Variants in SDK1 observed in about 807,000 individuals in gnomAD.
SDK1 encodes the protein sidekick cell adhesion molecule 1.
A neutral mutation model predicts 245.5 loss-of-function variants in SDK1; 157 were observed. The ratio of observed to expected loss-of-function variants is 0.64; its 90% CI spans 0.56 to 0.73. The LOEUF is 0.73. SDK1 is among the 30% of genes least tolerant of loss of function. The pLI is 0.00. For synonymous variants in SDK1, 1,647 were observed against 1,278.5 expected (o/e 1.29, Z -6.15); for missense variants, 3,583 against 3,002.3 (o/e 1.19, Z -4.52).
At chr7:3,336,299 A>C (rs1780198032) in intron 1 of SDK1, among the ~76,000 whole-genome samples, 2 of 152,174 alleles carry the variant, frequency 1.3e-5, no homozygotes, top group South Asian at 4.1e-4. Flanking sequence ...TGGCAGAAGC[A>C]GGTGGTACTT....
At chr7:3,561,586 C>A (rs1294225663) in intron 1 of SDK1, among the ~76,000 whole-genome samples, 2 of 152,152 alleles carry the variant, frequency 1.3e-5, no homozygotes, top group Non-Finnish European at 2.9e-5. Context: ...GGTGTGATTC[C>A]TGGCACATGG....
chr7:3,639,525 C>G (rs536237362), intron 3 of SDK1, among the ~76,000 whole-genome samples: 1 of 152,262 alleles, frequency 6.6e-6, no homozygotes, highest in South Asian at 2.1e-4. Flanking sequence ...CATGCTGCAC[C>G]ACAAAAGGTA....
chr7:4,261,728 C>T (rs1235911221), intron 44 of SDK1, among the ~76,000 whole-genome samples: 1 of 152,176 alleles, frequency 6.6e-6, no homozygotes, highest in Non-Finnish European at 1.5e-5. Flanking sequence ...CACTCTTTTA[C>T]CCCCTCCCCA....
At chr7:3,647,461 C>G (rs945580829) in intron 4 of SDK1, among the ~76,000 whole-genome samples, 1 of 152,140 alleles carries the variant, frequency 6.6e-6, no homozygotes, top group Admixed American at 6.5e-5. Flanking sequence ...TGCTCTGTCT[C>G]CCATGCTGGA....
At chr7:3,594,574 G>C (rs1188583048) in intron 1 of SDK1, among the ~76,000 whole-genome samples, 1 of 152,114 alleles carries the variant, frequency 6.6e-6, no homozygotes, top group Non-Finnish European at 1.5e-5. Flanking sequence ...TGAGGGTTCT[G>C]ATTTCTCCAC....
intron 35 of SDK1, among the ~76,000 whole-genome samples, chr7:4,189,723 G>T (rs1263017090): frequency 6.6e-6 from 1 of 152,190 alleles, no homozygotes; most frequent in African/African-American, 2.4e-5. Flanking sequence ...CCAGGAAGCA[G>T]AGGTTGTAGT....
intron 7 of SDK1, 109 bp downstream of exon 7, chr7:3,952,029 G>T (rs1170631586): frequency 2.0e-6 from 2 of 987,978 alleles, no homozygotes; most frequent in Non-Finnish European, 1.5e-6. Flanking sequence ...TTGTAACTCG[G>T]CAAATGAAGG....
intron 4 of SDK1, among the ~76,000 whole-genome samples, chr7:3,669,263 A>G (rs1396587890): frequency 6.6e-6 from 1 of 152,104 alleles, no homozygotes; most frequent in African/African-American, 2.4e-5. Context: ...GGGATTAAAA[A>G]CCTGTTAAAG....
At chr7:3,891,595 T>G (rs557117768) in intron 5 of SDK1, among the ~76,000 whole-genome samples, 1 of 152,356 alleles carries the variant, frequency 6.6e-6, no homozygotes, top group South Asian at 2.1e-4. Flanking sequence ...TTCGTGCATG[T>G]CCTCCTTTCT....
intron 5 of SDK1, among the ~76,000 whole-genome samples, chr7:3,939,494 C>T (rs1780278136): frequency 6.6e-6 from 1 of 152,024 alleles, no homozygotes; most frequent in Non-Finnish European, 1.5e-5. Flanking sequence ...GAAAGGAAAT[C>T]ACAGTGTATT....
At chr7:3,834,257 G>A (rs140570259) in intron 5 of SDK1, among the ~76,000 whole-genome samples, 49 of 152,324 alleles carry the variant, frequency 3.2e-4, no homozygotes, top group Middle Eastern at 6.8e-3. Flanking sequence ...AACGCTGAGC[G>A]TCTGATACTT....
chr7:3,502,395 G>A (rs1782245178), intron 1 of SDK1, among the ~76,000 whole-genome samples: 3 of 152,158 alleles, frequency 2.0e-5, no homozygotes, highest in South Asian at 2.1e-4. Context: ...GATTACAGGT[G>A]CCTACCACCA....
chr7:3,385,662 C>G (rs1212458639), intron 1 of SDK1, among the ~76,000 whole-genome samples: 1 of 152,154 alleles, frequency 6.6e-6, no homozygotes, highest in African/African-American at 2.4e-5. Context: ...CACCAAAATA[C>G]AGCCCCCGTA....
At chr7:3,586,704 C>CA (rs57309941) in intron 1 of SDK1, among the ~76,000 whole-genome samples, 940 of 82,010 alleles carry the variant, frequency 0.011, 8 homozygotes, top group African/African-American at 0.026. Flanking sequence ...GACTCCGTCT[C>CA]AAAAAAAAAA....
chr7:4,234,176 G>C (rs1785996081), intron 41 of SDK1, among the ~76,000 whole-genome samples: 1 of 152,196 alleles, frequency 6.6e-6, no homozygotes, highest in African/African-American at 2.4e-5. Flanking sequence ...TAGCTGCTCT[G>C]GGCTCAAGGT....
At chr7:3,925,936 C>T (rs1779751080) in intron 5 of SDK1, among the ~76,000 whole-genome samples, 1 of 152,108 alleles carries the variant, frequency 6.6e-6, no homozygotes, top group Non-Finnish European at 1.5e-5. Flanking sequence ...TAGGTTTTTG[C>T]AATATGTTGA....
At chr7:3,691,463 C>T (rs1451199770) in intron 4 of SDK1, among the ~76,000 whole-genome samples, 1 of 152,172 alleles carries the variant, frequency 6.6e-6, no homozygotes, top group African/African-American at 2.4e-5. Context: ...GCTTCCGTTA[C>T]AGGACTTGGA....
chr7:3,600,551 G>GTTTT lies in SDK1; in HGVS notation c.299-18511_299-18508dup, dbSNP rs368644982. On this transcript the variant is annotated intron_variant, in intron 1 of 44. Transcript: ENST00000404826. ...TGTGTTAAGTGTGATATTAGATGTA[G>GTTTT]TTTTTTTTTTTTTTTTTTTTTGAGA... is the stretch of plus-strand genomic sequence containing the variant. Among the ~76,000 whole-genome samples, 160 of 108,998 alleles carry GTTTT rather than the reference G, an allele frequency of 1.5e-3. 4 individuals carry two copies. The highest frequency in any genetic ancestry group is 2.0e-3 in the Non-Finnish European group (110 of 53,964). 71.5% of individuals were successfully genotyped at this position (108,998 alleles called of 152,430 possible).
At chr7:3,606,678 C>G (rs1781435684) in intron 1 of SDK1, among the ~76,000 whole-genome samples, 1 of 152,170 alleles carries the variant, frequency 6.6e-6, no homozygotes, top group Non-Finnish European at 1.5e-5. Flanking sequence ...CTTTCTTACT[C>G]AGATACCCCG....
Sources: allele counts gnomAD v4.1 joint callset (sites outside exome capture counted in the v4.1 genomes callset), GRCh38; gene constraint gnomAD v4.1.1; transcripts MANE v1.5; gene names NCBI Gene and HGNC (gene_info 2026-07-23, HGNC 2026-07-21).